The following PDE4D variants were observed in gnomAD, a reference collection of about 807,000 sequenced individuals.
PDE4D encodes phosphodiesterase 4D, also known as 3',5'-cyclic-AMP phosphodiesterase 4D.
PDE4D carries 24 observed loss-of-function variants against 87.4 expected under a neutral mutation model. The observed-to-expected ratio is 0.27, with a 90% confidence interval of 0.20 to 0.39. The LOEUF (loss-of-function observed/expected upper bound fraction) is 0.39. Ranked by LOEUF, PDE4D falls within the 10% of genes least tolerant of loss-of-function variation. PDE4D has a pLI of 1.00. For missense variants in PDE4D, 714 were observed against 1,041.0 expected (o/e 0.69, Z 4.32); for synonymous variants, 384 against 383.2 (o/e 1.00, Z -0.02).
intron 1 of PDE4D, chr5:59,591,988 T>G (rs77444982): frequency 1.1e-5 from 2 of 184,376 alleles, no homozygotes; most frequent in Non-Finnish European, 2.0e-5. Flanking sequence ...GTATGTGTAA[T>G]TATACATTTT....
At chr5:59,250,112 G>A (rs1306383907) in intron 1 of PDE4D, among the ~76,000 whole-genome samples, 1 of 151,798 alleles carries the variant, frequency 6.6e-6, no homozygotes, top group Non-Finnish European at 1.5e-5. Context: ...CCAAAGTGCT[G>A]GGATTTCTGG....
intron 2 of PDE4D, among the ~76,000 whole-genome samples, chr5:60,075,177 C>G (rs1378232703): frequency 6.6e-6 from 1 of 152,172 alleles, no homozygotes; most frequent in Non-Finnish European, 1.5e-5. Flanking sequence ...TTTAGTGCTT[C>G]TTTCAGGGGT....
intron 6 of PDE4D, among the ~76,000 whole-genome samples, chr5:59,018,414 G>A (rs71626130): frequency 0.1 from 15,657 of 152,192 alleles, 1,050 homozygotes; most frequent in Non-Finnish European, 0.13. Context: ...TGTAGCTTTA[G>A]TACATTGAGT....
intron 1 of PDE4D, among the ~76,000 whole-genome samples, chr5:60,359,794 T>A (rs1208765654): frequency 6.6e-6 from 1 of 152,168 alleles, no homozygotes; most frequent in Non-Finnish European, 1.5e-5. Flanking sequence ...AATCATTTGG[T>A]AAATTGGTGT....
chr5:59,692,281 C>T (rs1580456479), intron 1 of PDE4D, among the ~76,000 whole-genome samples: 1 of 152,054 alleles, frequency 6.6e-6, no homozygotes, highest in Non-Finnish European at 1.5e-5. Context: ...TAAGGATCCG[C>T]TTTTTATTGT....
At chr5:59,361,491 C>T (rs1202180051) in intron 1 of PDE4D, among the ~76,000 whole-genome samples, 1 of 152,090 alleles carries the variant, frequency 6.6e-6, no homozygotes. Flanking sequence ...TGAATACAGT[C>T]TTAAATAAAA....
chr5:60,087,865 C>A (rs1582589079), intron 2 of PDE4D, among the ~76,000 whole-genome samples: 1 of 152,056 alleles, frequency 6.6e-6, no homozygotes, highest in African/African-American at 2.4e-5. Flanking sequence ...TTTCTGAAAT[C>A]TGGAGAAAAC....
chr5:59,342,816 C>A (rs932433300), intron 1 of PDE4D, among the ~76,000 whole-genome samples: 20 of 152,108 alleles, frequency 1.3e-4, no homozygotes, highest in Admixed American at 3.9e-4. Flanking sequence ...AAATATTTAA[C>A]TGACAAACAT....
chr5:59,128,637 T>G (rs1775847542), intron 5 of PDE4D, among the ~76,000 whole-genome samples: 2 of 152,184 alleles, frequency 1.3e-5, no homozygotes, highest in Non-Finnish European at 2.9e-5. Context: ...ATGATACATG[T>G]CTAGTTAGAT....
At chr5:59,531,188 G>A (rs1161082639) in intron 1 of PDE4D, among the ~76,000 whole-genome samples, 1 of 152,130 alleles carries the variant, frequency 6.6e-6, no homozygotes. Context: ...CTCTTTTAAT[G>A]GTGATATTCA....
chr5:60,188,919 T>A (rs1784996430), intron 1 of PDE4D, among the ~76,000 whole-genome samples: 1 of 152,202 alleles, frequency 6.6e-6, no homozygotes, highest in Admixed American at 6.5e-5. Flanking sequence ...GAACAAGTGG[T>A]AACCTCTGCA....
rs549272802 is a variant in PDE4D at position 59,923,402 on chromosome 5, G to A, written c.272+65086C>T. ...GTACTGGTCATTGCAGGCCTTGAGA[G>A]AGATCCAATGCTGTGTTGGCTTCAG... is the stretch of plus-strand genomic sequence containing the variant. On this transcript the variant is annotated intron_variant, in intron 3 of 16. Transcript: ENST00000502484. Among the ~76,000 whole-genome samples the A allele has an allele frequency of 2.0e-5, 3 of 152,312 alleles. No individual in the cohort carries two copies. The East Asian group carries it at 5.8e-4, about 29-fold the overall frequency.
intron 1 of PDE4D, among the ~76,000 whole-genome samples, chr5:59,252,399 G>A (rs963802311): frequency 3.9e-5 from 6 of 152,102 alleles, no homozygotes; most frequent in African/African-American, 1.2e-4. Context: ...GTGTGCAGGT[G>A]ATTTTATCTC....
At chr5:60,355,492 C>A (rs1239734326) in intron 1 of PDE4D, among the ~76,000 whole-genome samples, 1 of 152,098 alleles carries the variant, frequency 6.6e-6, no homozygotes, top group Non-Finnish European at 1.5e-5. Context: ...TTGAACCAGT[C>A]CAGGAATAGA....
At chr5:60,153,104 G>C (rs1012012914) in intron 2 of PDE4D, among the ~76,000 whole-genome samples, 4 of 152,154 alleles carry the variant, frequency 2.6e-5, no homozygotes, top group Non-Finnish European at 5.9e-5. Flanking sequence ...TGGAATAGGA[G>C]AAAGTATTTG....
At chr5:59,466,921 C>T (rs1482088564) in intron 1 of PDE4D, among the ~76,000 whole-genome samples, 2 of 152,116 alleles carry the variant, frequency 1.3e-5, no homozygotes, top group South Asian at 2.1e-4. Context: ...AAAATTTGTA[C>T]GTTGAAGTCC....
intron 1 of PDE4D, among the ~76,000 whole-genome samples, chr5:59,248,042 TAAAAAAA>T (rs70975306): frequency 5.9e-4 from 22 of 37,522 alleles, no homozygotes; most frequent in Admixed American, 2.9e-3. Context: ...TATCTATTAG[TAAAAAAA>T]AAAAAAAAAA....
intron 1 of PDE4D, among the ~76,000 whole-genome samples, chr5:59,248,058 A>G (rs1759229782): frequency 6.7e-6 from 1 of 149,494 alleles, no homozygotes; most frequent in Non-Finnish European, 1.5e-5. Context: ...AAAAAAAAAA[A>G]AAAAAAAAAA....
At chr5:59,829,935 T>A (rs7718096) in intron 1 of PDE4D, among the ~76,000 whole-genome samples, 34,251 of 151,622 alleles carry the variant, frequency 0.23, 4,638 homozygotes, top group African/African-American at 0.37. Context: ...TTTTTAATTT[T>A]AAAAAAAATC....
Sources: allele counts gnomAD v4.1 joint callset (sites outside exome capture counted in the v4.1 genomes callset), GRCh38; gene constraint gnomAD v4.1.1; transcripts MANE v1.5; gene names NCBI Gene and HGNC (gene_info 2026-07-23, HGNC 2026-07-21).